BRMS1L: variants seen among roughly 807,000 people sequenced by gnomAD.
BRMS1L encodes the protein breast cancer metastasis-suppressor 1-like protein.
A neutral mutation model predicts 50.3 loss-of-function variants in BRMS1L; 23 were observed. The ratio of observed to expected loss-of-function variants is 0.46; its 90% CI spans 0.33 to 0.65. BRMS1L has a LOEUF of 0.65. Ranked by LOEUF, BRMS1L falls within the 30% of genes least tolerant of loss-of-function variation. The pLI is 0.02. For synonymous variants in BRMS1L, 114 were observed against 126.9 expected (o/e 0.90, Z 0.69); for missense variants, 286 against 386.1 (o/e 0.74, Z 2.17).
chr14:35,832,379 C>T (rs1189689849), intron 2 of BRMS1L, among the ~76,000 whole-genome samples: 4 of 150,018 alleles, frequency 2.7e-5, no homozygotes, highest in South Asian at 2.1e-4. Flanking sequence ...ATTAGCCGGG[C>T]GCCTGTAGTC....
chr14:35,867,806 T>C (rs2078440772), intron 8 of BRMS1L, 100 bp from the exon 9 acceptor site: 3 of 1,182,576 alleles, frequency 2.5e-6, no homozygotes, highest in East Asian at 2.8e-5. Context: ...TTAGGCCTTT[T>C]TTACATATGC....
Position 35,863,900 on chromosome 14 carries a change from A to G in BRMS1L, c.569A>G (p.Lys190Arg), listed in dbSNP as rs1476306641. The change falls in exon 6 of 10, where the codon AAA becomes AGA. Residue 190 changes from lysine (K) to arginine (R), a missense_variant. Around this residue, in one of 5 missense-constraint regions of BRMS1L, gnomAD observed 160 missense variants for 240.6 expected, o/e 0.66. Transcript: ENST00000216807. ...ELWNDELQSR[K>R]KRKDPFSPDK... Reference sequence around the variant, plus strand: ...TGGAATGATGAGCTTCAGTCAAGAAAAAAGAGGAAGGATCCTTTCAGTCCT... The same window carrying G: ...TGGAATGATGAGCTTCAGTCAAGAAGAAAGAGGAAGGATCCTTTCAGTCCT... 1.9e-6 allele frequency: 3 copies of G among 1,614,054 alleles called. No individual in the cohort carries two copies. The highest frequency in any genetic ancestry group is 2.5e-6 in the Non-Finnish European group (3 of 1,179,968).
intron 1 of BRMS1L, among the ~76,000 whole-genome samples, chr14:35,827,134 G>A (rs1032754005): frequency 9.2e-5 from 14 of 152,190 alleles, no homozygotes; most frequent in Non-Finnish European, 2.1e-4. Context: ...CTTTTCGGGG[G>A]CTAACTTGAG....
intron 1 of BRMS1L, among the ~76,000 whole-genome samples, chr14:35,827,781 A>G (rs1196800985): frequency 1.3e-5 from 2 of 152,236 alleles, no homozygotes; most frequent in East Asian, 3.8e-4. Flanking sequence ...GGCAGAGGAA[A>G]TCGTTTCAAT....
intron 4 of BRMS1L, among the ~76,000 whole-genome samples, chr14:35,857,993 C>A (rs2078303265): frequency 6.8e-6 from 1 of 146,002 alleles, no homozygotes; most frequent in Non-Finnish European, 1.5e-5. Context: ...GAGCATGTTA[C>A]CTAATGGACT....
At position 35,870,381 on chromosome 14, in the gene BRMS1L, C is replaced by A; in HGVS notation, c.876C>A (p.Asn292Lys). 2 of 1,597,356 alleles carry A rather than the reference C, an allele frequency of 1.3e-6. No individual in the cohort carries two copies. Among genetic ancestry groups the A allele is most frequent in the Non-Finnish European group, 8.5e-7 (1 of 1,169,708 alleles). ...TTAGTGCTGTAATTACAACAATTAACCATGATGAAGTTTGGTTTAAGAGGC... is the reference window on the plus strand; with the variant it reads ...TTAGTGCTGTAATTACAACAATTAAACATGATGAAGTTTGGTTTAAGAGGC... ...CPTSAVITTI[N>K]HDEVWFKRPD... Residue 292 changes from asparagine to lysine, a missense_variant, in exon 10 of 10, where the codon AAC becomes AAA. Asn to Lys is a moderately conservative substitution (Grantham distance 94). Around this residue, in one of 5 missense-constraint regions of BRMS1L, gnomAD observed 49 missense variants for 39.1 expected, o/e 1.25. Transcript: ENST00000216807.
At chr14:35,864,232 T>TA (rs1335108079) in intron 6 of BRMS1L, among the ~76,000 whole-genome samples, 1 of 152,188 alleles carries the variant, frequency 6.6e-6, no homozygotes, top group Non-Finnish European at 1.5e-5. Context: ...AGTCGTTTAG[T>TA]ATACAGTATG....
intron 8 of BRMS1L, among the ~76,000 whole-genome samples, chr14:35,867,527 G>A (rs2078437036): frequency 2.0e-5 from 3 of 152,032 alleles, no homozygotes; most frequent in South Asian, 4.1e-4. Flanking sequence ...TGCTTCTTTC[G>A]GTATATCAGA....
chr14:35,868,025 C>A lies in BRMS1L; in HGVS notation c.847C>A (p.Pro283Thr). The change falls in exon 9 of 10, where the codon CCT becomes ACT. Residue 283 changes from proline to threonine, a missense_variant. This residue lies in a region of BRMS1L where 49 missense variants were observed against 39.1 expected (regional missense o/e 1.25). Transcript: ENST00000216807. The part of the protein sequence containing the change: ...TICIDKKDEC[P>T]TSAVITTINH... ...ATGTATTGATAAAAAAGATGAATGT[C>A]CTACAAGGTAAAAAAGCCTTTGTTA... 1 of 1,590,458 alleles carries A rather than the reference C, an allele frequency of 6.3e-7. No homozygotes were observed. The highest frequency in any genetic ancestry group is 2.3e-5 in the East Asian group (1 of 44,292).
chr14:35,826,772 G>T, intron 1 of BRMS1L, 114 bp downstream of exon 1: 8 of 1,451,224 alleles, frequency 5.5e-6, no homozygotes, highest in Non-Finnish European at 7.4e-6. Context: ...ACAGAGGGAA[G>T]GGGCGGAGAC....
chr14:35,826,703 G>T, intron 1 of BRMS1L, 45 bp downstream of exon 1: 1 of 1,597,418 alleles, frequency 6.3e-7, no homozygotes. Flanking sequence ...CGCCCAGCGC[G>T]CGACAGGCCG....
chr14:35,841,286 T>C (rs1264367925), intron 4 of BRMS1L, among the ~76,000 whole-genome samples: 1 of 151,814 alleles, frequency 6.6e-6, no homozygotes, highest in Admixed American at 6.6e-5. Flanking sequence ...TTTTATTTTT[T>C]ATTTATTTTT....
chr14:35,844,577 AC>A (rs2078109155), intron 4 of BRMS1L, among the ~76,000 whole-genome samples: 1 of 151,928 alleles, frequency 6.6e-6, no homozygotes, highest in Non-Finnish European at 1.5e-5. Flanking sequence ...TGCAGAAATC[AC>A]CCGCCTTCTG....
chr14:35,831,348 T>G, intron 1 of BRMS1L, 62 bp from the exon 2 acceptor site: 1 of 1,146,740 alleles, frequency 8.7e-7, no homozygotes. Flanking sequence ...CAGATATATT[T>G]GAGATGTTCA....
intron 4 of BRMS1L, among the ~76,000 whole-genome samples, chr14:35,847,568 G>A (rs1186585615): frequency 6.6e-6 from 1 of 152,172 alleles, no homozygotes; most frequent in African/African-American, 2.4e-5. Context: ...CTTCAAAATA[G>A]TAAAGTCATT....
rs1297598481 is a variant in BRMS1L, at chr14:35,871,551, C to T, written c.*1074C>T. Reference sequence around the variant, plus strand: ...GAAACCCTCAATATGGCAGCACAGCCGGCTGTAGTGTATATTTAGGGTACA... The same window carrying T: ...GAAACCCTCAATATGGCAGCACAGCTGGCTGTAGTGTATATTTAGGGTACA... On this transcript the variant is annotated 3_prime_UTR_variant, in exon 10 of 10. Coordinates refer to ENST00000216807, the MANE Select transcript of BRMS1L (RefSeq NM_032352.4). 1 of 152,584 alleles carries T rather than the reference C, an allele frequency of 6.6e-6. No individual in the cohort carries two copies. Among genetic ancestry groups the T allele is most frequent in the Non-Finnish European group, 1.5e-5 (1 of 68,030 alleles). The allele number at this position is 152,584 out of a possible 1,614,324, so 9.5% of individuals were successfully genotyped here.
chr14:35,842,752 G>C (rs565140507), intron 4 of BRMS1L, among the ~76,000 whole-genome samples: 258 of 151,678 alleles, frequency 1.7e-3, no homozygotes, highest in Non-Finnish European at 2.9e-3. Context: ...AGTGCTCCTG[G>C]ATAATATCCT....
chr14:35,862,172 C>G (rs942651225), intron 4 of BRMS1L, among the ~76,000 whole-genome samples: 23 of 152,098 alleles, frequency 1.5e-4, no homozygotes, highest in African/African-American at 5.1e-4. Flanking sequence ...ATTAGTGAGG[C>G]ATAATGACCC....
intron 4 of BRMS1L, among the ~76,000 whole-genome samples, chr14:35,841,144 C>A (rs2078057531): frequency 6.6e-6 from 1 of 152,048 alleles, no homozygotes; most frequent in Non-Finnish European, 1.5e-5. Flanking sequence ...GTACAGTTTC[C>A]ATGTAGTTGT....
Sources: allele counts gnomAD v4.1 joint callset (sites outside exome capture counted in the v4.1 genomes callset), GRCh38; gene constraint gnomAD v4.1.1; regional missense constraint gnomAD v4.1.1; transcripts MANE v1.5; gene names NCBI Gene and HGNC (gene_info 2026-07-23, HGNC 2026-07-21).